ANKFY1: variants seen among roughly 807,000 people sequenced by gnomAD.
The protein encoded by ANKFY1 is ankyrin repeat and FYVE domain-containing protein 1.
In ANKFY1, 47 loss-of-function variants were observed where a neutral mutation model predicts 128.3. The ratio of observed to expected loss-of-function variants is 0.37; its 90% confidence interval spans 0.29 to 0.47. The LOEUF (loss-of-function observed/expected upper bound fraction) is 0.47, where lower values mean the gene tolerates loss of function less well. ANKFY1 is among the 20% of genes least tolerant of loss of function. The pLI is 1.00. For missense variants in ANKFY1, 1,222 were observed against 1,510.6 expected (o/e 0.81, Z 3.17); for synonymous variants, 553 against 601.6 (o/e 0.92, Z 1.18).
At chr17:4,226,368 T>C (rs2060425162) in intron 3 of ANKFY1, among the ~76,000 whole-genome samples, 1 of 151,872 alleles carries the variant, frequency 6.6e-6, no homozygotes, top group African/African-American at 2.4e-5. Context: ...CAAAAAAACA[T>C]TTTTTTTAAT....
chr17:4,184,418 G>A (rs1252634411), intron 12 of ANKFY1, among the ~76,000 whole-genome samples: 2 of 152,178 alleles, frequency 1.3e-5, no homozygotes, highest in African/African-American at 2.4e-5. Context: ...TGAGGGAAAC[G>A]GCCCTTCTGT....
chr17:4,202,261 C>T (rs545362831), intron 7 of ANKFY1, among the ~76,000 whole-genome samples: 13 of 151,976 alleles, frequency 8.6e-5, no homozygotes, highest in African/African-American at 3.1e-4. Flanking sequence ...ATTAGCCAAG[C>T]GTAGTGGCAT....
intron 1 of ANKFY1, chr17:4,263,708 C>G (rs1338368806): frequency 1.3e-6 from 2 of 1,491,398 alleles, no homozygotes; most frequent in Non-Finnish European, 1.8e-6. Flanking sequence ...CCGCAGCCGG[C>G]CGCAGTCCCG....
intron 11 of ANKFY1, chr17:4,187,921 G>C (rs183208722): frequency 1.3e-5 from 2 of 152,402 alleles, no homozygotes; most frequent in East Asian, 3.9e-4. Flanking sequence ...GCCCACCTCA[G>C]CCTCCCAAAG....
chr17:4,221,945 A>C (rs1251473259), intron 3 of ANKFY1: 1 of 152,112 alleles, frequency 6.6e-6, no homozygotes, highest in Non-Finnish European at 1.5e-5. Context: ...ACTTCACATA[A>C]AATTTTTTGC....
chr17:4,210,083 T>C, intron 4 of ANKFY1, 136 bp from the exon 5 acceptor site: 2 of 656,936 alleles, frequency 3.0e-6, no homozygotes, highest in Non-Finnish European at 4.7e-6. Flanking sequence ...CAAAGGGTTA[T>C]GAATAAATTA....
chr17:4,263,655 C>T, intron 1 of ANKFY1: 1 of 1,534,280 alleles, frequency 6.5e-7, no homozygotes, highest in Non-Finnish European at 8.7e-7. Context: ...CTCGGGGCCC[C>T]GCGGCTGCAC....
intron 3 of ANKFY1, chr17:4,223,831 T>A: frequency 7.8e-7 from 1 of 1,287,868 alleles, no homozygotes; most frequent in Admixed American, 2.0e-5. Context: ...TACGTCTGAC[T>A]CTTCTCTCGC....
intron 1 of ANKFY1, among the ~76,000 whole-genome samples, chr17:4,248,328 C>T (rs1479221783): frequency 3.9e-5 from 6 of 152,146 alleles, no homozygotes; most frequent in African/African-American, 7.2e-5. Context: ...CTGTGAACCG[C>T]GCATGCGAGG....
intron 1 of ANKFY1, among the ~76,000 whole-genome samples, chr17:4,261,005 AT>A (rs1968387484): frequency 6.6e-6 from 1 of 152,222 alleles, no homozygotes; most frequent in South Asian, 2.1e-4. Flanking sequence ...TGAGAATCTG[AT>A]TAAAGCACAA....
chr17:4,182,192 C>T lies in ANKFY1; in HGVS notation c.2110G>A (p.Ala704Thr), dbSNP rs1442615858. 9 of 1,532,006 alleles carry T rather than the reference C, an allele frequency of 5.9e-6. No individual in the cohort carries two copies. Among genetic ancestry groups the T allele is most frequent in the African/African-American group, 1.4e-5 (1 of 73,352 alleles). The allele number at this position is 1,532,006 out of a possible 1,614,324, so 94.9% of individuals were successfully genotyped here. A position where few individuals can be genotyped will look rare whatever the true frequency, so the allele number is the denominator to read the frequency against. ...LALANNLEDI[A>T]STLVRHGCDA... ...TGTGCCTGTCTCACCAGAGTGGATG[C>T]GATGTCCTCCAGATTGTTTGCCAAT... Residue 704 changes from alanine (A) to threonine (T), a missense_variant, in exon 15 of 25, where the codon GCA becomes ACA. Coordinates refer to ENST00000341657, the MANE Select transcript of ANKFY1 (RefSeq NM_001330063.2).
At chr17:4,227,768 GCATT>G (rs990099381) in intron 3 of ANKFY1, among the ~76,000 whole-genome samples, 2 of 152,116 alleles carry the variant, frequency 1.3e-5, no homozygotes, top group African/African-American at 4.8e-5. Context: ...AGAAGGTTCA[GCATT>G]ATTATCAGGG....
chr17:4,206,586 T>C, intron 6 of ANKFY1, 100 bp from the exon 7 acceptor site: 1 of 1,143,464 alleles, frequency 8.7e-7, no homozygotes, highest in South Asian at 1.6e-5. Flanking sequence ...CTTATACAAA[T>C]GTCAAATTTA....
rs576332045 is a variant in ANKFY1 at position 4,187,503 on chromosome 17, C to T, written c.1470+1879G>A. On this transcript the variant is annotated intron_variant, in intron 11 of 24. Transcript: ENST00000341657. ...TCCCCACAGGATAAAGCCCACACAG[C>T]GGAAGCCAGTGTTCCAGGCCCTTCT... 26 of 374,746 alleles carry T rather than the reference C, an allele frequency of 6.9e-5. 1 individual carries two copies. The highest frequency in any genetic ancestry group is 1.4e-3 in the Middle Eastern group (2 of 1,464). 23.2% of individuals were successfully genotyped at this position (374,746 alleles called of 1,614,324 possible).
At position 4,177,307 on chromosome 17, in the gene ANKFY1, A is replaced by G. The variant is rs2059426510; in HGVS notation, c.2599-5T>C. 2 of 1,583,360 alleles carry G rather than the reference A, an allele frequency of 1.3e-6. No homozygotes were observed. The highest frequency in any genetic ancestry group is 2.3e-5 in the South Asian group (2 of 85,600). On this transcript the variant is annotated splice_polypyrimidine_tract_variant and splice_region_variant and intron_variant, in intron 18 of 24. Coordinates refer to ENST00000341657, the MANE Select transcript of ANKFY1 (RefSeq NM_001330063.2). ...ATTCCGGCCCTTGTTATCCACCTAC[A>G]GCAACAAGTGCAAAGCAAAATATTA...
At position 4,260,946 on chromosome 17, in the gene ANKFY1, CTATT is replaced by C. The variant is rs1424025948; in HGVS notation, c.10+2982_10+2985del. Among the ~76,000 whole-genome samples the C allele has an allele frequency of 1.6e-4, 25 of 152,286 alleles. No individual in the cohort carries two copies. The Middle Eastern group carries it at 0.014, about 83-fold the overall frequency. On this transcript the variant is annotated intron_variant, in intron 1 of 24. Coordinates refer to ENST00000341657, the MANE Select transcript of ANKFY1 (RefSeq NM_001330063.2). Reference sequence around the variant, plus strand: ...TCAAGTTATATGACACAGATATCTGCTATTTATTTATATTTAAATAACTGTCTCC... The same window carrying C: ...TCAAGTTATATGACACAGATATCTGCTATTTATATTTAAATAACTGTCTCC...
intron 4 of ANKFY1, among the ~76,000 whole-genome samples, chr17:4,210,311 T>A (rs575180624): frequency 6.6e-6 from 1 of 152,234 alleles, no homozygotes; most frequent in African/African-American, 2.4e-5. Context: ...AAAATTTAAC[T>A]GTGTGGAACA....
chr17:4,252,030 T>C (rs1967861038), intron 1 of ANKFY1, among the ~76,000 whole-genome samples: 1 of 138,860 alleles, frequency 7.2e-6, no homozygotes, highest in Non-Finnish European at 1.5e-5. Context: ...CGAGACTCCG[T>C]CTTAAAAAAA....
In ANKFY1 at chr17:4,170,859, G is replaced by A. The variant is rs752449791; in HGVS notation, c.3142C>T (p.Leu1048=). The change falls in exon 23 of 25, where the codon CTG becomes TTG. Residue 1048 remains leucine, a splice_region_variant and synonymous_variant. Coordinates refer to ENST00000341657, the MANE Select transcript of ANKFY1 (RefSeq NM_001330063.2). ...DKPDADGSTV[L]LLAYMKGNAN... Reference sequence around the variant, plus strand: ...TTCCCTTTCATGTATGCCAGGAGCAGCACTGGAAAACAAAAGCACGCGCAG... The same window carrying A: ...TTCCCTTTCATGTATGCCAGGAGCAACACTGGAAAACAAAAGCACGCGCAG... 9.9e-6 allele frequency: 16 copies of A among 1,614,224 alleles called. No homozygotes were observed. The highest frequency in any genetic ancestry group is 1.4e-5 in the Non-Finnish European group (16 of 1,180,044).
Sources: allele counts gnomAD v4.1 joint callset (sites outside exome capture counted in the v4.1 genomes callset), GRCh38; gene constraint gnomAD v4.1.1; transcripts MANE v1.5; gene names NCBI Gene and HGNC (gene_info 2026-07-23, HGNC 2026-07-21).